VSTM2L: variants seen among roughly 807,000 people sequenced by gnomAD.
The protein encoded by VSTM2L is V-set and transmembrane domain containing 2 like, also known as V-set and transmembrane domain-containing protein 2-like protein.
Under a neutral mutation model 19.9 loss-of-function variants are expected in VSTM2L, and 9 were observed. The ratio of observed to expected loss-of-function variants is 0.45; its 90% CI spans 0.27 to 0.79. The LOEUF is 0.79. Among genes scored for constraint, VSTM2L ranks in the 30% least tolerant of loss-of-function variants. The pLI, the probability that VSTM2L is intolerant of heterozygous loss-of-function variation, is 0.15. For synonymous variants in VSTM2L, 127 were observed against 133.8 expected, an observed-to-expected ratio of 0.95 and a Z score of 0.35; for missense variants, 286 against 295.5, an observed-to-expected ratio of 0.97 and a Z score of 0.24.
At chr20:37,928,156 A>C (rs1391429658) in intron 1 of VSTM2L, among the ~76,000 whole-genome samples, 1 of 151,582 alleles carries the variant, frequency 6.6e-6, no homozygotes, top group Non-Finnish European at 1.5e-5. Flanking sequence ...CAGGGTCCTC[A>C]CCCCTCTCCT....
intron 1 of VSTM2L, among the ~76,000 whole-genome samples, chr20:37,918,875 C>CTTCAT (rs1171923484): frequency 3.3e-5 from 5 of 152,350 alleles, no homozygotes; most frequent in Admixed American, 3.3e-4. Context: ...CTAGAACCTG[C>CTTCAT]ACCTCCTTCC....
chr20:37,909,725 T>C (rs1186858380), intron 1 of VSTM2L, among the ~76,000 whole-genome samples: 1 of 152,184 alleles, frequency 6.6e-6, no homozygotes, highest in African/African-American at 2.4e-5. Context: ...GGTGCATATG[T>C]GATGCTGCAG....
intron 3 of VSTM2L, among the ~76,000 whole-genome samples, chr20:37,933,885 G>A (rs1307197062): frequency 6.6e-6 from 1 of 152,168 alleles, no homozygotes; most frequent in Non-Finnish European, 1.5e-5. Context: ...TTTATTTGGG[G>A]AACCAATGAG....
chr20:37,933,579 C>T lies in VSTM2L; in HGVS notation c.332C>T (p.Thr111Ile). The change falls in exon 3 of 4, where the codon ACC (threonine) becomes ATC (isoleucine). Residue 111 changes from threonine to isoleucine, a missense_variant. Physicochemically the swap from Thr to Ile is moderately conservative, Grantham distance 89. Transcript: ENST00000373461. ...CAGGAAGACGCAGGGAAGGAGGCAA[C>T]CAAAATAAGTGTGAGTTTTGATAAT... ...SQQEDAGKEA[T>I]KISVVKVVGS... The T allele has an allele frequency of 1.2e-6, 2 of 1,612,076 alleles. No individual in the cohort carries two copies. Among genetic ancestry groups the T allele is most frequent in the African/African-American group, 1.3e-5 (1 of 74,236 alleles).
chr20:37,937,324 C>T (rs1204399211), intron 3 of VSTM2L, among the ~76,000 whole-genome samples: 1 of 152,130 alleles, frequency 6.6e-6, no homozygotes, highest in African/African-American at 2.4e-5. Flanking sequence ...TGAATTATCT[C>T]GTTTAACTTG....
chr20:37,903,492 C>G, intron 1 of VSTM2L, 21 bp downstream of exon 1: 1 of 1,463,516 alleles, frequency 6.8e-7, no homozygotes, highest in South Asian at 1.3e-5. Context: ...TCGCCGCCCC[C>G]GCGGACTTCC....
intron 2 of VSTM2L, among the ~76,000 whole-genome samples, 155 bp from the exon 3 acceptor site, chr20:37,933,384 C>G (rs1177776934): frequency 6.6e-6 from 1 of 152,216 alleles, no homozygotes; most frequent in Non-Finnish European, 1.5e-5. Context: ...GGGACCCCAA[C>G]TCCAGACTCC....
chr20:37,909,345 GTGT>G (rs2072767407), intron 1 of VSTM2L, among the ~76,000 whole-genome samples: 1 of 152,166 alleles, frequency 6.6e-6, no homozygotes, highest in Admixed American at 6.5e-5. Flanking sequence ...GCTGCTGATG[GTGT>G]TGTGGGAAGA....
chr20:37,931,337 T>C (rs2072907571), intron 1 of VSTM2L, among the ~76,000 whole-genome samples: 1 of 152,156 alleles, frequency 6.6e-6, no homozygotes, highest in African/African-American at 2.4e-5. Flanking sequence ...AGGCCTTCTC[T>C]GATCCCTGGC....
rs2073000719 is a variant in VSTM2L at position 37,945,039 on chromosome 20, A to G, written c.*786A>G. ...GGAGTCCCCCTCTGCCGGCCCCCCAATGCCCCAGCTCCCTCTTGGGTCCTG... is the reference window on the plus strand; with the variant it reads ...GGAGTCCCCCTCTGCCGGCCCCCCAGTGCCCCAGCTCCCTCTTGGGTCCTG... On this transcript the variant is annotated 3_prime_UTR_variant, in exon 4 of 4. Transcript: ENST00000373461. The G allele has an allele frequency of 4.1e-6, 4 of 985,410 alleles. No individual in the cohort carries two copies. Among genetic ancestry groups the G allele is most frequent in the African/African-American group, 1.8e-5 (1 of 57,130 alleles). 61.0% of individuals were successfully genotyped at this position (985,410 alleles called of 1,614,324 possible).
chr20:37,908,218 G>A (rs2072761248), intron 1 of VSTM2L, among the ~76,000 whole-genome samples: 1 of 152,210 alleles, frequency 6.6e-6, no homozygotes, highest in South Asian at 2.1e-4. Flanking sequence ...CAGGCGGCCA[G>A]CAGGACGCAG....
At chr20:37,919,359 G>C (rs993022084) in intron 1 of VSTM2L, among the ~76,000 whole-genome samples, 9 of 152,226 alleles carry the variant, frequency 5.9e-5, no homozygotes, top group Non-Finnish European at 2.9e-5. Context: ...CCTGTCAGGG[G>C]CCAAGGGCTA....
At position 37,945,235 on chromosome 20, in the gene VSTM2L, G is replaced by A. The variant is rs1379478875; in HGVS notation, c.*982G>A. The A allele has an allele frequency of 2.0e-6, 2 of 985,462 alleles. No homozygotes were observed. The highest frequency in any genetic ancestry group is 2.4e-6 in the Non-Finnish European group (2 of 830,042). 61.0% of individuals were successfully genotyped at this position (985,462 alleles called of 1,614,324 possible). ...TGGCACCTCTGGCTGCCGCAGCTCA[G>A]TGATGACGTGGGGGAGGTGGGAGAG... On this transcript the variant is annotated 3_prime_UTR_variant, in exon 4 of 4. Transcript: ENST00000373461.
chr20:37,931,890 T>G lies in VSTM2L; in HGVS notation c.291+86T>G, dbSNP rs1026830967. 16 of 1,400,972 alleles carry G rather than the reference T, an allele frequency of 1.1e-5. No homozygotes were observed. The African/African-American group carries it at 2.0e-4, about 17-fold the overall frequency. The allele number at this position is 1,400,972 out of a possible 1,614,324, so 86.8% of individuals were successfully genotyped here. A position where few individuals can be genotyped will look rare whatever the true frequency, so the allele number is the denominator to read the frequency against. Reference sequence around the variant, plus strand: ...GTATTTCTCTGCCCCTCTTCTCCTCTGAGGGATATGGGCTCCAACGCTGTT... The same window carrying G: ...GTATTTCTCTGCCCCTCTTCTCCTCGGAGGGATATGGGCTCCAACGCTGTT... On this transcript the variant is annotated intron_variant, in intron 2 of 3. Coordinates refer to ENST00000373461, the MANE Select transcript of VSTM2L (RefSeq NM_080607.3).
At position 37,903,287 on chromosome 20, in the gene VSTM2L, G is replaced by A. The variant is rs2072731519; in HGVS notation, c.-64G>A. ...CCGCTCAGGGCAGGGGACAGCTGGC[G>A]CCGGTTCTGCGGTCTCCGGGGCCCA... On this transcript the variant is annotated 5_prime_UTR_variant, in exon 1 of 4. Coordinates refer to ENST00000373461, the MANE Select transcript of VSTM2L (RefSeq NM_080607.3). 3.0e-6 allele frequency: 4 copies of A among 1,330,368 alleles called. No individual in the cohort carries two copies. Among genetic ancestry groups the A allele is most frequent in the African/African-American group, 3.1e-5 (2 of 64,586 alleles). The allele number at this position is 1,330,368 out of a possible 1,614,324, so 82.4% of individuals were successfully genotyped here.
At chr20:37,930,386 G>A (rs1453453288) in intron 1 of VSTM2L, among the ~76,000 whole-genome samples, 3 of 152,156 alleles carry the variant, frequency 2.0e-5, no homozygotes, top group Non-Finnish European at 2.9e-5. Flanking sequence ...GAGGACTCCC[G>A]GGGCTGGGAA....
intron 1 of VSTM2L, among the ~76,000 whole-genome samples, chr20:37,929,541 C>T (rs1048838134): frequency 5.3e-5 from 8 of 152,150 alleles, no homozygotes; most frequent in East Asian, 3.9e-4. Flanking sequence ...GGTAGGAGAA[C>T]GCCCTGGGAG....
rs1332731783 is a variant in VSTM2L at position 37,935,150 on chromosome 20, A to G, written c.342+1561A>G. On this transcript the variant is annotated intron_variant, in intron 3 of 3. Coordinates refer to ENST00000373461, the MANE Select transcript of VSTM2L (RefSeq NM_080607.3). ...TTAGAATTCCAGGCTGCTGGGTCCC[A>G]CATGAGGGAAATGCGACAATGCTAA... 2.6e-5 allele frequency among the ~76,000 whole-genome samples: 4 copies of G among 152,210 alleles called. No individual in the cohort carries two copies. The East Asian group carries it at 7.7e-4, about 29-fold the overall frequency.
chr20:37,908,224 C>T (rs536655832), intron 1 of VSTM2L, among the ~76,000 whole-genome samples: 18 of 152,290 alleles, frequency 1.2e-4, no homozygotes, highest in South Asian at 4.1e-4. Flanking sequence ...GCCAGCAGGA[C>T]GCAGGGAATT....
Sources: gnomAD v4.1 joint callset for allele counts (sites outside exome capture counted in the v4.1 genomes callset) on GRCh38, gnomAD v4.1.1 for gene constraint, MANE v1.5 for transcripts, NCBI Gene and HGNC (gene_info 2026-07-23, HGNC 2026-07-21) for gene names.